Variants in TENM2 observed in about 807,000 individuals in gnomAD.
TENM2 encodes teneurin-2.
TENM2 carries 52 observed loss-of-function variants against 245.2 expected under a neutral mutation model. That is an observed-to-expected ratio of 0.21 (90% confidence interval 0.17 to 0.27). The LOEUF (loss-of-function observed/expected upper bound fraction) is 0.27, where lower values mean the gene tolerates loss of function less well. Ranked by LOEUF, TENM2 falls within the 10% of genes least tolerant of loss-of-function variation. The pLI is 1.00. For missense variants in TENM2, 3,046 were observed against 3,666.8 expected (o/e 0.83, Z 4.37); for synonymous variants, 1,363 against 1,438.9 (o/e 0.95, Z 1.19).
intron 2 of TENM2, among the ~76,000 whole-genome samples, chr5:167,742,977 AAACAACAACAAC>A (rs139078440): frequency 0.067 from 9,861 of 147,794 alleles, 407 homozygotes; most frequent in Non-Finnish European, 0.088. Flanking sequence ...CTTGTCTTAA[AAACAACAACAAC>A]AACAACAACA....
intron 12 of TENM2, chr5:168,149,500 G>C (rs561619743): frequency 1.0e-5 from 4 of 393,042 alleles, no homozygotes; most frequent in Non-Finnish European, 1.9e-5. Flanking sequence ...TTCCCTTTCC[G>C]AGGCATGTTA....
intron 2 of TENM2, among the ~76,000 whole-genome samples, chr5:167,818,634 C>T (rs1483725139): frequency 6.6e-6 from 1 of 152,098 alleles, no homozygotes; most frequent in Non-Finnish European, 1.5e-5. Context: ...TCACAGCACT[C>T]AGGGCAGTGA....
the TENM2 span, among the ~76,000 whole-genome samples, chr5:167,274,797 C>T: frequency 6.6e-6 from 1 of 151,700 alleles, no homozygotes; most frequent in African/African-American, 2.4e-5. Flanking sequence ...ATTTATATAT[C>T]CTATTCAGTG....
the TENM2 span, among the ~76,000 whole-genome samples, chr5:167,005,843 G>A: frequency 6.6e-6 from 1 of 151,546 alleles, no homozygotes; most frequent in African/African-American, 2.4e-5. Flanking sequence ...TGTATTTTTA[G>A]TAGAGACAGA....
At chr5:167,755,627 C>G (rs1762262870) in intron 2 of TENM2, among the ~76,000 whole-genome samples, 2 of 152,110 alleles carry the variant, frequency 1.3e-5, no homozygotes, top group Non-Finnish European at 2.9e-5. Flanking sequence ...CGGTAGCTCT[C>G]TGTGTACTAA....
At chr5:168,199,199 A>G (rs1390093707) in intron 16 of TENM2, 85 bp downstream of exon 18, 2 of 1,399,878 alleles carry the variant, frequency 1.4e-6, no homozygotes, top group African/African-American at 2.9e-5. Flanking sequence ...AGTGGACCAG[A>G]AACTAATATT....
the TENM2 span, among the ~76,000 whole-genome samples, chr5:167,177,662 G>A: frequency 6.6e-6 from 1 of 152,206 alleles, no homozygotes; most frequent in African/African-American, 2.4e-5. Context: ...TTTGATGGGA[G>A]AGAGGACCAG....
At chr5:168,198,888 C>T (rs1386184513) in exon 16 of TENM2, 1 of 1,613,908 alleles carries the variant, frequency 6.2e-7, no homozygotes, top group Admixed American at 1.7e-5. Flanking sequence ...GCTTCCTTGA[C>T]TCTACACTTT....
intron 2 of TENM2, among the ~76,000 whole-genome samples, chr5:167,676,860 T>C (rs1332770211): frequency 6.6e-6 from 1 of 152,162 alleles, no homozygotes; most frequent in African/African-American, 2.4e-5. Flanking sequence ...TACTGGGTCT[T>C]TCTTTGTGAC....
chr5:167,385,766 T>C (rs1461975474), intron 2 of TENM2, among the ~76,000 whole-genome samples: 1 of 152,084 alleles, frequency 6.6e-6, no homozygotes, highest in African/African-American at 2.4e-5. Flanking sequence ...TGTTTGGTTT[T>C]CCATCCCTGA....
rs190895185 is a variant in TENM2 at position 167,905,017 on chromosome 5, A to G, written c.712+28822A>G. On this transcript the variant is annotated intron_variant, in intron 3 of 28. Transcript: ENST00000518659. ...TCTGTAAAACTGACATATATATTTCAGGATATGGTTATAGGATAGTCAGAC... is the reference window on the plus strand; with the variant it reads ...TCTGTAAAACTGACATATATATTTCGGGATATGGTTATAGGATAGTCAGAC... Among the ~76,000 whole-genome samples, 14 of 152,334 alleles carry G rather than the reference A, an allele frequency of 9.2e-5. No homozygotes were observed. In the East Asian group the frequency reaches 2.7e-3, roughly 29 times the overall value.
intron 2 of TENM2, among the ~76,000 whole-genome samples, chr5:167,516,388 A>G (rs573316798): frequency 6.6e-6 from 1 of 152,174 alleles, no homozygotes; most frequent in Non-Finnish European, 1.5e-5. Flanking sequence ...CTAAATAGAA[A>G]CCTAATTAAA....
intron 6 of TENM2, among the ~76,000 whole-genome samples, chr5:168,049,805 T>A (rs1315063866): frequency 6.6e-6 from 1 of 152,202 alleles, no homozygotes; most frequent in East Asian, 1.9e-4. Flanking sequence ...TTTTGTTTTT[T>A]TGTTTTGTTT....
the TENM2 span, among the ~76,000 whole-genome samples, chr5:167,199,117 A>G: frequency 7.3e-5 from 11 of 151,560 alleles, no homozygotes; most frequent in African/African-American, 2.2e-4. Flanking sequence ...AAAAAAAAAA[A>G]AAAGAAATCA....
At chr5:167,625,578 A>C (rs2127779612) in intron 2 of TENM2, among the ~76,000 whole-genome samples, 1 of 152,294 alleles carries the variant, frequency 6.6e-6, no homozygotes, top group South Asian at 2.1e-4. Context: ...AGAGGTAAAA[A>C]CCACTATAAG....
the TENM2 span, among the ~76,000 whole-genome samples, chr5:167,260,292 GA>G: frequency 2.0e-5 from 3 of 151,268 alleles, no homozygotes; most frequent in Non-Finnish European, 2.9e-5. Flanking sequence ...CTTTTTGGAG[GA>G]AAAAAATCAT....
At chr5:167,772,012 A>G (rs1047242586) in intron 2 of TENM2, among the ~76,000 whole-genome samples, 1 of 152,140 alleles carries the variant, frequency 6.6e-6, no homozygotes, top group Non-Finnish European at 1.5e-5. Flanking sequence ...ATAATTAAGG[A>G]TGATCTTACC....
exon 16 of TENM2, chr5:168,199,028 C>T (rs755881164): frequency 1.8e-5 from 29 of 1,613,744 alleles, no homozygotes; most frequent in East Asian, 1.1e-4. Flanking sequence ...TGGCTTTGTC[C>T]GGCCTGATCC....
chr5:167,329,562 A>G lies in TENM2; in HGVS notation c.226+44499A>G, dbSNP rs1324449201. On this transcript the variant is annotated intron_variant, in intron 1 of 28. Coordinates refer to ENST00000518659, the Ensembl canonical transcript of TENM2. Reference sequence around the variant, plus strand: ...GCCAGACTCAGTCTCAAAAAAAAAAAAAAAAAAAAAAAAAAAAAGAGGTGG... The same window carrying G: ...GCCAGACTCAGTCTCAAAAAAAAAAGAAAAAAAAAAAAAAAAAAGAGGTGG... Among the ~76,000 whole-genome samples the G allele has an allele frequency of 1.2e-4, 18 of 148,730 alleles. 1 individual carries two copies. The highest frequency in any genetic ancestry group is 7.5e-5 in the Non-Finnish European group (5 of 67,018).
Sources: gnomAD v4.1 joint callset for allele counts (sites outside exome capture counted in the v4.1 genomes callset) on GRCh38, gnomAD v4.1.1 for gene constraint, MANE v1.5 for transcripts, NCBI Gene and HGNC (gene_info 2026-07-23, HGNC 2026-07-21) for gene names.